The following RAVER2 variants were observed in gnomAD, a reference collection of about 807,000 sequenced individuals.
RAVER2 encodes ribonucleoprotein PTB-binding 2.
Under a neutral mutation model 78.1 loss-of-function variants are expected in RAVER2, and 46 were observed. That is an observed-to-expected ratio of 0.59 (90% CI 0.46 to 0.75). The LOEUF (loss-of-function observed/expected upper bound fraction) is 0.75, where lower values mean the gene tolerates loss of function less well. Among genes scored for constraint, RAVER2 ranks in the 30% least tolerant of loss-of-function variants. The pLI is 0.00. For synonymous variants in RAVER2, 311 were observed against 313.3 expected (o/e 0.99, Z 0.08); for missense variants, 793 against 837.5 (o/e 0.95, Z 0.66).
At chr1:64,818,405 G>T (rs1653804561) in intron 11 of RAVER2, among the ~76,000 whole-genome samples, 1 of 152,082 alleles carries the variant, frequency 6.6e-6, no homozygotes, top group African/African-American at 2.4e-5. Context: ...GCGTGGTGGT[G>T]GGCGCCTGTA....
chr1:64,804,408 A>G (rs1025151476), intron 6 of RAVER2, among the ~76,000 whole-genome samples: 2 of 152,194 alleles, frequency 1.3e-5, no homozygotes, highest in African/African-American at 2.4e-5. Flanking sequence ...TGCCTAGAAC[A>G]TAGAAAGTGC....
In RAVER2 at chr1:64,814,320, C is replaced by T. The variant is rs1653702101; in HGVS notation, c.1793-384C>T. On this transcript the variant is annotated intron_variant, in intron 10 of 11. Transcript: ENST00000294428. ...GTTTCACCATGTCACCTAAGCCAAT[C>T]TCGAACTCCTGGGCTCAAGTGATCC... Among the ~76,000 whole-genome samples, 5 of 152,226 alleles carry T rather than the reference C, an allele frequency of 3.3e-5. No individual in the cohort carries two copies. The South Asian group carries it at 1.0e-3, about 32-fold the overall frequency.
intron 4 of RAVER2, among the ~76,000 whole-genome samples, chr1:64,785,523 C>T (rs1652754953): frequency 6.6e-6 from 1 of 152,070 alleles, no homozygotes; most frequent in African/African-American, 2.4e-5. Context: ...CATGCACCAC[C>T]ACGTCCAGCT....
intron 5 of RAVER2, among the ~76,000 whole-genome samples, 194 bp downstream of exon 5, chr1:64,789,708 A>G (rs1007492935): frequency 6.6e-6 from 1 of 152,198 alleles, no homozygotes; most frequent in East Asian, 1.9e-4. Context: ...TATTTTTGAC[A>G]TATACAACCT....
chr1:64,768,997 G>A (rs2100823444), intron 2 of RAVER2, among the ~76,000 whole-genome samples: 1 of 152,060 alleles, frequency 6.6e-6, no homozygotes, highest in East Asian at 1.9e-4. Flanking sequence ...AGAGTTCCTC[G>A]ATTTTAATTG....
chr1:64,781,577 T>A lies in RAVER2; in HGVS notation c.978+6T>A. On this transcript the variant is annotated splice_donor_region_variant and intron_variant, in intron 4 of 11. Coordinates refer to ENST00000294428, the Ensembl canonical transcript of RAVER2. ...TGATAGCGGCTCAACGTGTGGTAAG[T>A]TTTTTCTCTTTCTGTCTCTTTTTTT... 1 of 1,605,084 alleles carries A rather than the reference T, an allele frequency of 6.2e-7. No individual in the cohort carries two copies.
At chr1:64,790,220 A>T (rs1348700094) in intron 5 of RAVER2, among the ~76,000 whole-genome samples, 2 of 151,804 alleles carry the variant, frequency 1.3e-5, no homozygotes, top group Non-Finnish European at 2.9e-5. Flanking sequence ...TATTAAGTGG[A>T]AAATTCCAAA....
chr1:64,749,336 G>A (rs924208342), intron 1 of RAVER2, among the ~76,000 whole-genome samples: 11 of 151,680 alleles, frequency 7.3e-5, no homozygotes, highest in Admixed American at 2.0e-4. Context: ...TCAGCCTCCC[G>A]AGTAGCTGGG....
chr1:64,778,819 CCCTT>C (rs1473063376), intron 3 of RAVER2, among the ~76,000 whole-genome samples: 1 of 149,464 alleles, frequency 6.7e-6, no homozygotes, highest in Non-Finnish European at 1.5e-5. Context: ...TTACCGCACT[CCCTT>C]CCCATCCACG....
chr1:64,818,676 G>C (rs1218814357), intron 11 of RAVER2, among the ~76,000 whole-genome samples: 1 of 152,184 alleles, frequency 6.6e-6, no homozygotes, highest in African/African-American at 2.4e-5. Context: ...TGGTATTTGT[G>C]TTTCTGTAGC....
chr1:64,816,939 A>G (rs1348749087), intron 11 of RAVER2, among the ~76,000 whole-genome samples: 3 of 152,362 alleles, frequency 2.0e-5, no homozygotes, highest in East Asian at 1.9e-4. Context: ...CTGCACAGCA[A>G]AAGAAACTAC....
chr1:64,788,559 C>T (rs556971606), intron 4 of RAVER2, among the ~76,000 whole-genome samples: 2 of 149,152 alleles, frequency 1.3e-5, no homozygotes, highest in South Asian at 4.3e-4. Context: ...TTTGGGAGGC[C>T]GAGGTGGTGG....
chr1:64,801,223 C>CA (rs1469966664), intron 5 of RAVER2, among the ~76,000 whole-genome samples: 3 of 151,716 alleles, frequency 2.0e-5, no homozygotes, highest in Non-Finnish European at 2.9e-5. Flanking sequence ...CTCTGCCTCC[C>CA]AAGTAGCTGG....
intron 5 of RAVER2, 125 bp downstream of exon 5, chr1:64,789,639 T>A: frequency 1.3e-6 from 1 of 772,204 alleles, no homozygotes; most frequent in Non-Finnish European, 1.7e-6. Context: ...ATAAAATATT[T>A]AATTTTTCTA....
intron 1 of RAVER2, among the ~76,000 whole-genome samples, chr1:64,754,490 T>C (rs1461745336): frequency 6.6e-6 from 1 of 152,200 alleles, no homozygotes; most frequent in Non-Finnish European, 1.5e-5. Flanking sequence ...CCCGGCACAC[T>C]CTCAGGATTG....
chr1:64,780,784 A>G (rs140442605), intron 3 of RAVER2, among the ~76,000 whole-genome samples: 2 of 152,330 alleles, frequency 1.3e-5, no homozygotes, highest in East Asian at 3.9e-4. Flanking sequence ...ATCAAGTTCT[A>G]CATGGCAGGA....
chr1:64,828,958 G>A (rs550280954), intron 11 of RAVER2, among the ~76,000 whole-genome samples: 1 of 152,144 alleles, frequency 6.6e-6, no homozygotes, highest in African/African-American at 2.4e-5. Flanking sequence ...TTTACTCAAC[G>A]TAATGTTTGC....
chr1:64,822,035 C>T (rs960271748), intron 11 of RAVER2, among the ~76,000 whole-genome samples: 3 of 152,206 alleles, frequency 2.0e-5, no homozygotes, highest in Non-Finnish European at 4.4e-5. Context: ...CGCCTGTAAT[C>T]GCAGCACTTT....
rs538911758 is a variant in RAVER2, at chr1:64,820,447, A to G, written c.1929+5607A>G. Among the ~76,000 whole-genome samples, 3 of 152,318 alleles carry G rather than the reference A, an allele frequency of 2.0e-5. No individual in the cohort carries two copies. The East Asian group carries it at 5.8e-4, about 29-fold the overall frequency. ...AATTTTAGGTTTGGGGGTACACGTG[A>G]ATGTTTATTACATAAGTAAACACAT... is the stretch of plus-strand genomic sequence containing the variant. On this transcript the variant is annotated intron_variant, in intron 11 of 11. Transcript: ENST00000294428.
Sources: allele counts gnomAD v4.1 joint callset (sites outside exome capture counted in the v4.1 genomes callset), GRCh38; gene constraint gnomAD v4.1.1; transcripts MANE v1.5; gene names NCBI Gene and HGNC (gene_info 2026-07-23, HGNC 2026-07-21).